Variants in ADAMTS2 observed in about 807,000 individuals in gnomAD.
ADAMTS2 encodes ADAM metallopeptidase with thrombospondin type 1 motif 2.
Under a neutral mutation model 123.0 loss-of-function variants are expected in ADAMTS2, and 50 were observed. The observed-to-expected ratio is 0.41, with a 90% CI of 0.32 to 0.51. ADAMTS2 has a LOEUF of 0.51. Among genes scored for constraint, ADAMTS2 ranks in the 20% least tolerant of loss-of-function variants. ADAMTS2 has a pLI of 0.35. For synonymous variants in ADAMTS2, 678 were observed against 695.4 expected, an observed-to-expected ratio of 0.98 and a Z score of 0.39; for missense variants, 1,494 against 1,705.2, an observed-to-expected ratio of 0.88 and a Z score of 2.18.
intron 3 of ADAMTS2, among the ~76,000 whole-genome samples, chr5:179,257,630 G>A (rs928339887): frequency 1.3e-5 from 2 of 152,178 alleles, no homozygotes; most frequent in African/African-American, 2.4e-5. Flanking sequence ...CAGGACGACC[G>A]CAGGTTTCGC....
chr5:179,259,882 G>A (rs1250635398), intron 3 of ADAMTS2, among the ~76,000 whole-genome samples: 1 of 152,252 alleles, frequency 6.6e-6, no homozygotes, highest in African/African-American at 2.4e-5. Context: ...TGAGACCACA[G>A]GGAGGAAGCA....
chr5:179,246,427 T>C (rs986312303), intron 3 of ADAMTS2, among the ~76,000 whole-genome samples: 2 of 152,044 alleles, frequency 1.3e-5, no homozygotes, highest in African/African-American at 2.4e-5. Context: ...CACAGGACAA[T>C]AGTTGGGGCA....
chr5:179,125,668 C>G (rs1276058160), intron 18 of ADAMTS2, among the ~76,000 whole-genome samples: 1 of 152,232 alleles, frequency 6.6e-6, no homozygotes, highest in Non-Finnish European at 1.5e-5. Context: ...TGGGCCCAGC[C>G]CCAGGGCCTG....
intron 5 of ADAMTS2, among the ~76,000 whole-genome samples, chr5:179,160,791 G>A (rs994774896): frequency 1.3e-5 from 2 of 152,202 alleles, no homozygotes; most frequent in Admixed American, 6.5e-5. Flanking sequence ...AAGGGGAGGT[G>A]CACTTCCTGT....
chr5:179,317,218 T>A lies in ADAMTS2; in HGVS notation c.534+26549A>T, dbSNP rs1757025137. Among the ~76,000 whole-genome samples, 1 of 152,144 alleles carries A rather than the reference T, an allele frequency of 6.6e-6. No individual in the cohort carries two copies. The highest frequency in any genetic ancestry group is 2.4e-5 in the African/African-American group (1 of 41,428). ...CATCCTTTTCCTCAGCACTTTGGCG[T>A]CTTTCCTCCCAGTGGTTTCTTGGTA... On this transcript the variant is annotated intron_variant, in intron 2 of 21. Transcript: ENST00000251582. The surrounding 1 kb of genome is among the most constrained non-coding windows in gnomAD (Gnocchi z 4.9).
intron 5 of ADAMTS2, among the ~76,000 whole-genome samples, chr5:179,174,983 C>T (rs113786509): frequency 5.3e-5 from 8 of 150,594 alleles, no homozygotes; most frequent in South Asian, 4.3e-4. Context: ...CATTCTTGAC[C>T]GTTCATGTTC....
In ADAMTS2 at chr5:179,202,880, A is replaced by G. The variant is rs1006481900; in HGVS notation, c.891+4633T>C. Reference sequence around the variant, plus strand: ...ACCAGCCTTGGTCCACAGGTGACCCAGGTCACTTCCTTTCACACAGGCCAC... The same window carrying G: ...ACCAGCCTTGGTCCACAGGTGACCCGGGTCACTTCCTTTCACACAGGCCAC... On this transcript the variant is annotated intron_variant, in intron 4 of 21. Coordinates refer to ENST00000251582, the MANE Select transcript of ADAMTS2 (RefSeq NM_014244.5). The surrounding 1 kb of genome is among the most constrained non-coding windows in gnomAD (Gnocchi z 4.0). 4.6e-5 allele frequency among the ~76,000 whole-genome samples: 7 copies of G among 152,206 alleles called. No individual in the cohort carries two copies. Among genetic ancestry groups the G allele is most frequent in the African/African-American group, 1.7e-4 (7 of 41,462 alleles).
chr5:179,239,143 G>A (rs1765601116), intron 3 of ADAMTS2, among the ~76,000 whole-genome samples: 1 of 152,212 alleles, frequency 6.6e-6, no homozygotes, highest in Admixed American at 6.5e-5. Context: ...CTGCTGCTGT[G>A]TTGAGGACAC....
At position 179,117,103 on chromosome 5, in the gene ADAMTS2, G is replaced by A. The variant is rs971502284; in HGVS notation, c.3179-2779C>T. ...GACTCAGACTGCTGATGATAGTACT[G>A]TTTGAAGGTGGGTGGAGGAGACACA... On this transcript the variant is annotated intron_variant, in intron 21 of 21. Coordinates refer to ENST00000251582, the MANE Select transcript of ADAMTS2 (RefSeq NM_014244.5). The surrounding 1 kb of genome is among the most constrained non-coding windows in gnomAD (Gnocchi z 4.2). Among the ~76,000 whole-genome samples, 11 of 152,186 alleles carry A rather than the reference G, an allele frequency of 7.2e-5. No individual in the cohort carries two copies. The highest frequency in any genetic ancestry group is 2.7e-4 in the African/African-American group (11 of 41,436).
At chr5:179,140,148 C>T in intron 10 of ADAMTS2, 113 bp from the exon 11 acceptor site, 1 of 1,498,640 alleles carries the variant, frequency 6.7e-7, no homozygotes, top group South Asian at 1.1e-5. Context: ...CTCTGGGGCA[C>T]AGGGGGAGCT....
intron 3 of ADAMTS2, among the ~76,000 whole-genome samples, chr5:179,254,575 G>A (rs1197271219): frequency 6.6e-6 from 1 of 152,150 alleles, no homozygotes; most frequent in East Asian, 1.9e-4. Flanking sequence ...GCTTGTAGGA[G>A]GTCAGAAGAG....
At position 179,245,505 on chromosome 5, in the gene ADAMTS2, G is replaced by A. The variant is rs527956157; in HGVS notation, c.688+27406C>T. The stretch of plus-strand genomic sequence containing the variant: ...GGGTGGGCCGGGCGCGGTGGCTCAC[G>A]CCTGTAATCCCAGCACTTTGGGAGG... On this transcript the variant is annotated intron_variant, in intron 3 of 21. Coordinates refer to ENST00000251582, the MANE Select transcript of ADAMTS2 (RefSeq NM_014244.5). 3.6e-4 allele frequency among the ~76,000 whole-genome samples: 54 copies of A among 148,708 alleles called. No homozygotes were observed. The South Asian group carries it at 1.0e-2, about 27-fold the overall frequency.
rs1319807986 is a variant in ADAMTS2, at chr5:179,128,713, G to T, written c.2458-595C>A. On this transcript the variant is annotated intron_variant, in intron 16 of 21. Coordinates refer to ENST00000251582, the MANE Select transcript of ADAMTS2 (RefSeq NM_014244.5). The surrounding 1 kb of genome is among the most constrained non-coding windows in gnomAD (Gnocchi z 4.9). ...TGGCCTATGTGTGAGTCTGTTTAAA[G>T]ACACTTTATTTAATTTTTACTGTGA... 6.6e-6 allele frequency among the ~76,000 whole-genome samples: 1 copy of T among 152,156 alleles called. No individual in the cohort carries two copies. The highest frequency in any genetic ancestry group is 2.4e-5 in the African/African-American group (1 of 41,438).
At chr5:179,309,757 C>CAA (rs34487269) in intron 2 of ADAMTS2, among the ~76,000 whole-genome samples, 497 of 44,450 alleles carry the variant, frequency 0.011, 29 homozygotes, top group African/African-American at 0.028. Context: ...ACTCAGTCTC[C>CAA]AAAAAAAAAA....
rs142582860 is a variant in ADAMTS2 at position 179,275,270 on chromosome 5, G to A, written c.535-2206C>T. On this transcript the variant is annotated intron_variant, in intron 2 of 21. Coordinates refer to ENST00000251582, the MANE Select transcript of ADAMTS2 (RefSeq NM_014244.5). Reference sequence around the variant, plus strand: ...CTGGGAGAGGGGTAATGGTCCAGACGGGAGCATGAGAGACAAGGACGAGTG... The same window carrying A: ...CTGGGAGAGGGGTAATGGTCCAGACAGGAGCATGAGAGACAAGGACGAGTG... Among the ~76,000 whole-genome samples the A allele has an allele frequency of 1.6e-3, 236 of 152,212 alleles. 1 individual carries two copies. Among genetic ancestry groups the A allele is most frequent in the African/African-American group, 5.4e-3 (225 of 41,506 alleles).
chr5:179,328,258 T>A (rs1307589388), intron 2 of ADAMTS2, among the ~76,000 whole-genome samples: 12 of 152,230 alleles, frequency 7.9e-5, no homozygotes, highest in Admixed American at 5.9e-4. Context: ...GGTCTCGATT[T>A]CCTGACCTCG....
chr5:179,317,300 G>C lies in ADAMTS2; in HGVS notation c.534+26467C>G, dbSNP rs1757027092. 6.6e-6 allele frequency among the ~76,000 whole-genome samples: 1 copy of C among 152,172 alleles called. No individual in the cohort carries two copies. The highest frequency in any genetic ancestry group is 1.5e-5 in the Non-Finnish European group (1 of 68,034). On this transcript the variant is annotated intron_variant, in intron 2 of 21. Transcript: ENST00000251582. This position sits in a 1 kb window ranked among gnomAD's most constrained non-coding sequence, Gnocchi z 4.9. Reference sequence around the variant, plus strand: ...ACAGCTATCCTTGTCCCTGAAGATGGACTCAGCTAGCAGAGTCGCTGATAT... The same window carrying C: ...ACAGCTATCCTTGTCCCTGAAGATGCACTCAGCTAGCAGAGTCGCTGATAT...
chr5:179,218,066 A>T (rs1444818444), intron 3 of ADAMTS2, among the ~76,000 whole-genome samples: 3 of 152,208 alleles, frequency 2.0e-5, no homozygotes, highest in African/African-American at 7.2e-5. Context: ...CAGAGCCAGA[A>T]CTGCCACACT....
intron 10 of ADAMTS2, among the ~76,000 whole-genome samples, chr5:179,144,635 T>C (rs1763224253): frequency 6.6e-6 from 1 of 152,204 alleles, no homozygotes; most frequent in South Asian, 2.1e-4. Flanking sequence ...ACTTTGACAA[T>C]TCAATGGAAA....
Sources: allele counts gnomAD v4.1 joint callset (sites outside exome capture counted in the v4.1 genomes callset), GRCh38; gene constraint gnomAD v4.1.1; non-coding constraint Gnocchi (gnomAD v3.1); transcripts MANE v1.5; gene names NCBI Gene and HGNC (gene_info 2026-07-23, HGNC 2026-07-21).